The following CPAP variants were observed in gnomAD, a reference collection of about 807,000 sequenced individuals.
CPAP encodes the protein centrosome assembly and centriole elongation protein.
At chr13:24,892,115 T>A in the CPAP span, among the ~76,000 whole-genome samples, 1 of 152,222 alleles carries the variant, frequency 6.6e-6, no homozygotes, top group Non-Finnish European at 1.5e-5. Flanking sequence ...AGGAATTTTG[T>A]CTGTTTATTG....
the CPAP span, among the ~76,000 whole-genome samples, chr13:24,898,285 T>C: frequency 6.6e-6 from 1 of 152,166 alleles, no homozygotes; most frequent in Non-Finnish European, 1.5e-5. Context: ...TTTCACTTTT[T>C]AAATTCCAGA....
At chr13:24,901,734 G>A in the CPAP span, among the ~76,000 whole-genome samples, 1 of 152,236 alleles carries the variant, frequency 6.6e-6, no homozygotes, top group Admixed American at 6.5e-5. Flanking sequence ...GCTCATGCCT[G>A]TAAGCCCAGA....
the CPAP span, chr13:24,905,921 G>C: frequency 6.2e-7 from 1 of 1,614,034 alleles, no homozygotes; most frequent in Non-Finnish European, 8.5e-7. Flanking sequence ...CTGTTCCTCA[G>C]AGTCAGTGCT....
the CPAP span, among the ~76,000 whole-genome samples, chr13:24,890,712 C>T: frequency 6.6e-6 from 1 of 152,220 alleles, no homozygotes; most frequent in African/African-American, 2.4e-5. Flanking sequence ...CAGAGATGAC[C>T]TCTGGCTTTC....
the CPAP span, among the ~76,000 whole-genome samples, chr13:24,908,613 T>TAAAATAAAAG: frequency 4.2e-4 from 63 of 151,428 alleles, no homozygotes; most frequent in African/African-American, 1.3e-3. Context: ...TAAAATAAAA[T>TAAAATAAAAG]AAAGACACTT....
the CPAP span, among the ~76,000 whole-genome samples, chr13:24,930,815 T>C: frequency 1.3e-5 from 2 of 152,210 alleles, no homozygotes; most frequent in African/African-American, 4.8e-5. Context: ...TTCTTTTCTT[T>C]TGGATGTGTA....
chr13:24,891,305 C>CCCTG, the CPAP span, among the ~76,000 whole-genome samples: 2 of 152,050 alleles, frequency 1.3e-5, no homozygotes, highest in Admixed American at 6.5e-5. Context: ...GCTGGCCTCT[C>CCCTG]CCTGCCCAGT....
the CPAP span, among the ~76,000 whole-genome samples, chr13:24,889,708 T>C: frequency 6.6e-6 from 1 of 152,116 alleles, no homozygotes; most frequent in African/African-American, 2.4e-5. Context: ...CTTCAGCTCA[T>C]GGTGTTCGAG....
the CPAP span, chr13:24,883,521 T>G: frequency 3.2e-6 from 2 of 628,356 alleles, no homozygotes; most frequent in Non-Finnish European, 5.4e-6. Flanking sequence ...TTCTACAGTG[T>G]TTCTGCTTCA....
At chr13:24,912,514 A>G in the CPAP span, 10 of 1,343,780 alleles carry the variant, frequency 7.4e-6, no homozygotes, top group East Asian at 2.3e-4. Context: ...ACCTAGAACA[A>G]ATGACTTTAT....
At chr13:24,921,897 G>A in the CPAP span, among the ~76,000 whole-genome samples, 3 of 152,006 alleles carry the variant, frequency 2.0e-5, no homozygotes, top group Non-Finnish European at 4.4e-5. Flanking sequence ...TTTAATGTCA[G>A]CATGAAGTAT....
chr13:24,896,582 G>C, the CPAP span, among the ~76,000 whole-genome samples: 1 of 152,234 alleles, frequency 6.6e-6, no homozygotes, highest in Non-Finnish European at 1.5e-5. Flanking sequence ...GTGAGGGAAA[G>C]GCATCAAGTT....
At chr13:24,917,573 C>G in the CPAP span, among the ~76,000 whole-genome samples, 1 of 152,132 alleles carries the variant, frequency 6.6e-6, no homozygotes, top group South Asian at 2.1e-4. Flanking sequence ...TGTCAATGGA[C>G]TGATTCTGTT....
chr13:24,909,998 T>A, the CPAP span: 1 of 1,614,160 alleles, frequency 6.2e-7, no homozygotes, highest in Non-Finnish European at 8.5e-7. Flanking sequence ...AGACATATGA[T>A]GGGAAGCAGC....
chr13:24,912,190 G>A, the CPAP span: 1 of 929,176 alleles, frequency 1.1e-6, no homozygotes, highest in Non-Finnish European at 1.7e-6. Context: ...TTTAGACAGG[G>A]ACCCCTAGGT....
At chr13:24,886,203 T>C in the CPAP span, 2 of 719,944 alleles carry the variant, frequency 2.8e-6, no homozygotes, top group Admixed American at 2.3e-5. Flanking sequence ...TTTCATCCTA[T>C]GTGCCAATGG....
At chr13:24,905,111 T>A in the CPAP span, among the ~76,000 whole-genome samples, 5 of 152,208 alleles carry the variant, frequency 3.3e-5, no homozygotes, top group Admixed American at 2.6e-4. Context: ...GAACCAGGTC[T>A]GGGGAAGAAA....
At chr13:24,906,618 T>A in the CPAP span, 1 of 1,614,216 alleles carries the variant, frequency 6.2e-7, no homozygotes, top group South Asian at 1.1e-5. Flanking sequence ...GTCTGTATTT[T>A]CAATCCTGAC....
At chr13:24,923,111 TC>T in the CPAP span, among the ~76,000 whole-genome samples, 1 of 152,226 alleles carries the variant, frequency 6.6e-6, no homozygotes, top group East Asian at 1.9e-4. Flanking sequence ...CGCCCCAGGC[TC>T]CCACACTTAG....
Sources: allele counts gnomAD v4.1 joint callset (sites outside exome capture counted in the v4.1 genomes callset), GRCh38; gene constraint gnomAD v4.1.1; transcripts MANE v1.5; gene names NCBI Gene and HGNC (gene_info 2026-07-23, HGNC 2026-07-21).